The following EPHA5 variants were observed in gnomAD, a reference collection of about 807,000 sequenced individuals.
EPHA5 encodes EPH receptor A5.
Under a neutral mutation model 105.0 loss-of-function variants are expected in EPHA5, and 60 were observed. That is an observed-to-expected ratio of 0.57 (90% CI 0.46 to 0.71). The LOEUF is 0.71. Ranked by LOEUF, EPHA5 falls within the 30% of genes least tolerant of loss-of-function variation. EPHA5 has a pLI of 0.00. For missense variants in EPHA5, 1,218 were observed against 1,274.7 expected (o/e 0.96, Z 0.68); for synonymous variants, 513 against 449.1 (o/e 1.14, Z -1.80).
chr4:65,592,942 T>C (rs1742811695), intron 3 of EPHA5, among the ~76,000 whole-genome samples: 1 of 152,112 alleles, frequency 6.6e-6, no homozygotes, highest in Admixed American at 6.5e-5. Flanking sequence ...TGCTAAATCA[T>C]GTGAGAAACT....
At chr4:65,414,606 T>C (rs1256838133) in intron 6 of EPHA5, among the ~76,000 whole-genome samples, 163 bp from the exon 7 acceptor site, 3 of 152,158 alleles carry the variant, frequency 2.0e-5, no homozygotes, top group African/African-American at 7.2e-5. Flanking sequence ...GGTGTGCTAT[T>C]TACATAGAAT....
intron 3 of EPHA5, among the ~76,000 whole-genome samples, chr4:65,569,136 T>C (rs968960491): frequency 1.3e-5 from 2 of 151,566 alleles, no homozygotes; most frequent in African/African-American, 4.8e-5. Flanking sequence ...GATAGTGAGC[T>C]ATCACAATAT....
intron 5 of EPHA5, among the ~76,000 whole-genome samples, chr4:65,443,351 A>G (rs923745145): frequency 1.3e-5 from 2 of 151,764 alleles, no homozygotes; most frequent in Non-Finnish European, 2.9e-5. Context: ...GAATCTTGTT[A>G]GAAAAATAGT....
Position 65,567,537 on chromosome 4 carries a change from A to T in EPHA5, c.910+34104T>A, listed in dbSNP as rs929908301. On this transcript the variant is annotated intron_variant, in intron 3 of 16. Coordinates refer to ENST00000613740, the MANE Select transcript of EPHA5 (RefSeq NM_001281766.3). ...GAAAGAAAAGTAAATGTTCAAGTAC[A>T]AGTTGGTGATAGCCAAACTGTCAGT... is the stretch of plus-strand genomic sequence containing the variant. 2.6e-5 allele frequency among the ~76,000 whole-genome samples: 4 copies of T among 151,632 alleles called. No individual in the cohort carries two copies. The East Asian group carries it at 7.7e-4, about 29-fold the overall frequency.
chr4:65,456,915 A>G (rs1727654866), intron 5 of EPHA5, among the ~76,000 whole-genome samples: 1 of 152,136 alleles, frequency 6.6e-6, no homozygotes. Flanking sequence ...CTGAAAATTC[A>G]TACCTCCAAG....
In EPHA5 at chr4:65,399,995, C is replaced by T. The variant is rs28380318; in HGVS notation, c.1793+4379G>A. On this transcript the variant is annotated intron_variant, in intron 8 of 16. Transcript: ENST00000613740. ...CAGTAGTTAATTTTCAGAATTTACA[C>T]TGTCTGAAATAAGGACACAGATAAA... Among the ~76,000 whole-genome samples the T allele has an allele frequency of 6.5e-3, 991 of 152,140 alleles. 11 individuals are homozygous for T. Among genetic ancestry groups the T allele is most frequent in the African/African-American group, 0.023 (951 of 41,514 alleles).
intron 5 of EPHA5, among the ~76,000 whole-genome samples, chr4:65,450,759 T>C: frequency 6.6e-6 from 1 of 152,114 alleles, no homozygotes; most frequent in East Asian, 1.9e-4. Flanking sequence ...TCCCATTTAA[T>C]CTCCCAAATG....
chr4:65,476,585 C>T lies in EPHA5; in HGVS notation c.1402+13792G>A, dbSNP rs146093645. The stretch of plus-strand genomic sequence containing the variant: ...ATAGACACTGGAGTCTAACAGAGCA[C>T]GGAGTGAGAGGAGGGATAAAGGGGT... On this transcript the variant is annotated intron_variant, in intron 5 of 16. Coordinates refer to ENST00000613740, the MANE Select transcript of EPHA5 (RefSeq NM_001281766.3). Among the ~76,000 whole-genome samples the T allele has an allele frequency of 7.7e-4, 117 of 152,060 alleles. No individual in the cohort carries two copies. In the East Asian group the frequency reaches 0.021, roughly 27 times the overall value.
At chr4:65,425,861 T>A (rs978163685) in intron 5 of EPHA5, among the ~76,000 whole-genome samples, 1 of 152,158 alleles carries the variant, frequency 6.6e-6, no homozygotes, top group Non-Finnish European at 1.5e-5. Flanking sequence ...TTTGATTTGT[T>A]TGTTCATTCA....
intron 5 of EPHA5, among the ~76,000 whole-genome samples, chr4:65,483,011 G>T (rs370875338): frequency 2.6e-5 from 4 of 151,814 alleles, no homozygotes; most frequent in Non-Finnish European, 4.4e-5. Context: ...CCCTCCTCAC[G>T]CCCTCCACCC....
intron 3 of EPHA5, among the ~76,000 whole-genome samples, chr4:65,560,802 G>A (rs1738927281): frequency 6.6e-6 from 1 of 151,948 alleles, no homozygotes; most frequent in African/African-American, 2.4e-5. Context: ...ATATTCTGAG[G>A]ATAAACAAAA....
intron 3 of EPHA5, among the ~76,000 whole-genome samples, chr4:65,508,124 A>G (rs1733249549): frequency 6.6e-6 from 1 of 152,132 alleles, no homozygotes; most frequent in Non-Finnish European, 1.5e-5. Flanking sequence ...TATTTGTGTT[A>G]ACATGAATGT....
chr4:65,599,642 T>C (rs1415274654), intron 3 of EPHA5, among the ~76,000 whole-genome samples: 4 of 152,098 alleles, frequency 2.6e-5, no homozygotes, highest in African/African-American at 9.7e-5. Flanking sequence ...TTGCATTACC[T>C]CTGCAAACCA....
At chr4:65,566,750 A>G (rs919452562) in intron 3 of EPHA5, among the ~76,000 whole-genome samples, 3 of 151,802 alleles carry the variant, frequency 2.0e-5, no homozygotes, top group Admixed American at 1.3e-4. Context: ...CAGAAGTAAA[A>G]TGCAATTGAC....
At chr4:65,573,838 G>A (rs1189015461) in intron 3 of EPHA5, 2 of 1,613,422 alleles carry the variant, frequency 1.2e-6, no homozygotes, top group Non-Finnish European at 1.7e-6. Flanking sequence ...AAGCTGTTGA[G>A]CCACGGCAAA....
At chr4:65,538,952 A>G (rs1026653155) in intron 3 of EPHA5, among the ~76,000 whole-genome samples, 4 of 151,716 alleles carry the variant, frequency 2.6e-5, no homozygotes, top group Non-Finnish European at 5.9e-5. Context: ...TCTTTATGAT[A>G]TCACGAAGAG....
intron 8 of EPHA5, among the ~76,000 whole-genome samples, chr4:65,391,063 G>A (rs760945137): frequency 1.3e-5 from 2 of 151,958 alleles, no homozygotes; most frequent in Non-Finnish European, 2.9e-5. Context: ...GAAGTGCCAA[G>A]CAAAGTGGTA....
At chr4:65,497,090 G>T (rs1443710341) in intron 3 of EPHA5, among the ~76,000 whole-genome samples, 1 of 152,114 alleles carries the variant, frequency 6.6e-6, no homozygotes, top group Non-Finnish European at 1.5e-5. Context: ...TGGTTTGAGT[G>T]CTTTGTACAG....
intron 3 of EPHA5, among the ~76,000 whole-genome samples, chr4:65,543,718 A>G (rs548792300): frequency 1.1e-4 from 16 of 152,146 alleles, no homozygotes; most frequent in African/African-American, 3.6e-4. Context: ...GAATTCTAGA[A>G]AAAAATCTTA....
Sources: allele counts gnomAD v4.1 joint callset (sites outside exome capture counted in the v4.1 genomes callset), GRCh38; gene constraint gnomAD v4.1.1; transcripts MANE v1.5; gene names NCBI Gene and HGNC (gene_info 2026-07-23, HGNC 2026-07-21).